Variants in APLF observed in about 807,000 individuals in gnomAD.
APLF encodes the protein aprataxin and PNKP like factor.
APLF carries 61 observed loss-of-function variants against 55.6 expected under a neutral mutation model. The ratio of observed to expected loss-of-function variants is 1.10; its 90% CI spans 0.89 to 1.36. The LOEUF is 1.36. Ranked by LOEUF, APLF falls within the 40% of genes most tolerant of loss-of-function variation. The probability of loss-of-function intolerance (pLI) is 0.00; values close to 1 mark genes in which losing one functional copy is unlikely to be tolerated. For missense variants in APLF, 611 were observed against 602.5 expected (o/e 1.01, Z -0.15); for synonymous variants, 207 against 214.8 (o/e 0.96, Z 0.32).
At chr2:68,564,732 C>A (rs1671253403) in intron 8 of APLF, among the ~76,000 whole-genome samples, 1 of 152,172 alleles carries the variant, frequency 6.6e-6, no homozygotes, top group South Asian at 2.1e-4. Flanking sequence ...TGGGGTCTTT[C>A]TGACTATAGT....
chr2:68,575,727 G>A (rs768959590), intron 9 of APLF, among the ~76,000 whole-genome samples: 6 of 151,974 alleles, frequency 3.9e-5, no homozygotes, highest in South Asian at 2.1e-4. Flanking sequence ...TGGATGATTA[G>A]AGAAGTCATA....
intron 8 of APLF, among the ~76,000 whole-genome samples, chr2:68,557,089 G>A (rs539135853): frequency 2.7e-4 from 41 of 152,142 alleles, no homozygotes; most frequent in African/African-American, 8.9e-4. Context: ...TCTGTCCCTG[G>A]TATCTGCAGG....
intron 8 of APLF, among the ~76,000 whole-genome samples, chr2:68,546,703 G>A (rs1454304054): frequency 6.6e-6 from 1 of 151,518 alleles, no homozygotes; most frequent in East Asian, 1.9e-4. Context: ...ACCAAAATCA[G>A]CATTCATTTA....
At chr2:68,517,050 GTTA>G (rs552033681) in intron 5 of APLF, among the ~76,000 whole-genome samples, 1,236 of 120,362 alleles carry the variant, frequency 0.01, 28 homozygotes, top group African/African-American at 0.039. Context: ...ATAATAACAT[GTTA>G]TTAATATATA....
intron 2 of APLF, among the ~76,000 whole-genome samples, chr2:68,500,444 T>G (rs1445626470): frequency 6.6e-6 from 1 of 152,180 alleles, no homozygotes; most frequent in Admixed American, 6.5e-5. Flanking sequence ...TTGCGTGATC[T>G]CTGGGTTTGT....
chr2:68,474,319 G>A (rs568209857), intron 1 of APLF, among the ~76,000 whole-genome samples: 2 of 152,286 alleles, frequency 1.3e-5, no homozygotes, highest in African/African-American at 4.8e-5. Flanking sequence ...AGCCCCTCTC[G>A]TCTCCCTAGA....
At chr2:68,548,823 T>G (rs1200557222) in intron 8 of APLF, among the ~76,000 whole-genome samples, 1 of 149,860 alleles carries the variant, frequency 6.7e-6, no homozygotes, top group Non-Finnish European at 1.5e-5. Context: ...TCTAGTGAAA[T>G]CCATCACCTA....
At chr2:68,515,431 A>G (rs1669554184) in intron 5 of APLF, among the ~76,000 whole-genome samples, 1 of 151,830 alleles carries the variant, frequency 6.6e-6, no homozygotes, top group Non-Finnish European at 1.5e-5. Flanking sequence ...AGAAAGACTT[A>G]ACTTGACCAA....
At chr2:68,526,893 G>C (rs1670074322) in intron 6 of APLF, among the ~76,000 whole-genome samples, 1 of 152,140 alleles carries the variant, frequency 6.6e-6, no homozygotes, top group Non-Finnish European at 1.5e-5. Context: ...TCACCATGTT[G>C]GCCGGAACGA....
chr2:68,483,899 G>A (rs1276789406), intron 1 of APLF, among the ~76,000 whole-genome samples: 2 of 152,072 alleles, frequency 1.3e-5, no homozygotes, highest in South Asian at 2.1e-4. Context: ...CTCTAGAAAA[G>A]CATTTTACAA....
chr2:68,545,532 T>G (rs1379813899), intron 8 of APLF, among the ~76,000 whole-genome samples: 1 of 152,224 alleles, frequency 6.6e-6, no homozygotes, highest in Non-Finnish European at 1.5e-5. Context: ...AAATTTTTCC[T>G]TATTTCCAAC....
At chr2:68,479,984 A>G (rs1341938574) in intron 1 of APLF, among the ~76,000 whole-genome samples, 1 of 152,184 alleles carries the variant, frequency 6.6e-6, no homozygotes, top group Non-Finnish European at 1.5e-5. Flanking sequence ...TCTGAATAAC[A>G]TGCTCTTTTC....
In APLF at chr2:68,513,175, T is replaced by C. The variant is rs764366894; in HGVS notation, c.437T>C (p.Leu146Pro). ...LPHETTGASQLEGSTEIAKTQ... is the reference protein window; with the variant it reads ...LPHETTGASQPEGSTEIAKTQ... ...CATGAGACTACTGGTGCCTCACAAC[T>C]GGAAGGAAGCACAGAAATAGCCAAG... The change falls in exon 4 of 10, where the codon CTG (leucine) becomes CCG (proline). Residue 146 changes from leucine (L) to proline (P), a missense_variant. Transcript: ENST00000303795. The C allele has an allele frequency of 1.1e-5, 18 of 1,611,104 alleles. No individual in the cohort carries two copies. Among genetic ancestry groups the C allele is most frequent in the Non-Finnish European group, 1.4e-5 (16 of 1,178,450 alleles).
intron 9 of APLF, among the ~76,000 whole-genome samples, chr2:68,576,517 C>G (rs1320926614): frequency 6.6e-6 from 1 of 152,014 alleles, no homozygotes; most frequent in Non-Finnish European, 1.5e-5. Context: ...ATTTGATGCT[C>G]TATTTTTAAT....
intron 3 of APLF, among the ~76,000 whole-genome samples, chr2:68,506,010 G>A (rs1676864946): frequency 6.6e-6 from 1 of 151,912 alleles, no homozygotes; most frequent in Admixed American, 6.6e-5. Context: ...ACATTCAGGT[G>A]TGGTTGAAAG....
At chr2:68,542,266 C>T (rs1670573111) in intron 7 of APLF, among the ~76,000 whole-genome samples, 1 of 151,402 alleles carries the variant, frequency 6.6e-6, no homozygotes, top group African/African-American at 2.5e-5. Flanking sequence ...GGATATGACA[C>T]CAAAGCACAG....
At position 68,550,472 on chromosome 2, in the gene APLF, T is replaced by G. The variant is rs1290630164; in HGVS notation, c.1286+5160T>G. 3.9e-5 allele frequency among the ~76,000 whole-genome samples: 6 copies of G among 152,314 alleles called. No individual in the cohort carries two copies. The South Asian group carries it at 1.2e-3, about 32-fold the overall frequency. On this transcript the variant is annotated intron_variant, in intron 8 of 9. Transcript: ENST00000303795. ...GTCTCAAACTTCTGATCTCAAGTGA[T>G]CTGCCCACCTCAGCCTCCCAAAGTG...
intron 9 of APLF, chr2:68,568,293 A>C: frequency 1.0e-5 from 10 of 985,390 alleles, no homozygotes; most frequent in Non-Finnish European, 1.2e-5. Flanking sequence ...AATGCATACT[A>C]TCCAGGCTGC....
intron 8 of APLF, among the ~76,000 whole-genome samples, chr2:68,547,213 T>A (rs1287813672): frequency 6.6e-6 from 1 of 151,750 alleles, no homozygotes; most frequent in Non-Finnish European, 1.5e-5. Context: ...AAACTTTAAA[T>A]GTAAAAATGA....
Sources: allele counts gnomAD v4.1 joint callset (sites outside exome capture counted in the v4.1 genomes callset), GRCh38; gene constraint gnomAD v4.1.1; transcripts MANE v1.5; gene names NCBI Gene and HGNC (gene_info 2026-07-23, HGNC 2026-07-21).